RIT2: variants seen among roughly 807,000 people sequenced by gnomAD.
RIT2 encodes the protein Ras like without CAAX 2.
In RIT2, 24 loss-of-function variants were observed where a neutral mutation model predicts 23.7. The observed-to-expected ratio is 1.01, with a 90% CI of 0.73 to 1.43. The LOEUF (loss-of-function observed/expected upper bound fraction) is 1.43. RIT2 is among the 40% of genes most tolerant of loss of function. The pLI, the probability that RIT2 is intolerant of heterozygous loss-of-function variation, is 0.00. For synonymous variants in RIT2, 107 were observed against 91.1 expected (o/e 1.17, Z -0.99); for missense variants, 236 against 266.9 (o/e 0.88, Z 0.81).
At chr18:43,069,172 T>A (rs183923330) in intron 1 of RIT2, among the ~76,000 whole-genome samples, 3 of 152,184 alleles carry the variant, frequency 2.0e-5, no homozygotes, top group African/African-American at 7.2e-5. Flanking sequence ...CAAACCCTTG[T>A]AGCAGAGCAC....
intron 4 of RIT2, among the ~76,000 whole-genome samples, chr18:42,919,327 G>A (rs1208062392): frequency 6.6e-6 from 1 of 152,084 alleles, no homozygotes; most frequent in Non-Finnish European, 1.5e-5. Context: ...CACAGACTGT[G>A]GGAAGCAGAG....
In RIT2 at chr18:42,928,480, A is replaced by T. The variant is rs147487479; in HGVS notation, c.235-4717T>A. Among the ~76,000 whole-genome samples the T allele has an allele frequency of 2.5e-3, 387 of 152,152 alleles. 1 individual carries two copies. Among genetic ancestry groups the T allele is most frequent in the African/African-American group, 8.8e-3 (367 of 41,556 alleles). ...CTCTTAAATAGCCTTTCATAGTACA[A>T]ATTCATCATTTGCATAGTAGTTAAT... is the stretch of plus-strand genomic sequence containing the variant. On this transcript the variant is annotated intron_variant, in intron 3 of 4. Transcript: ENST00000326695.
chr18:42,815,158 C>G (rs1905959469), intron 4 of RIT2, among the ~76,000 whole-genome samples: 1 of 152,112 alleles, frequency 6.6e-6, no homozygotes, highest in African/African-American at 2.4e-5. Flanking sequence ...GCAATGGATC[C>G]AAACCAAGAA....
intron 2 of RIT2, among the ~76,000 whole-genome samples, chr18:42,984,148 C>A (rs1418031170): frequency 6.6e-6 from 1 of 152,018 alleles, no homozygotes; most frequent in African/African-American, 2.4e-5. Flanking sequence ...AAAAACTGTA[C>A]ACATAGCAAA....
At chr18:42,825,694 G>A (rs1906274972) in intron 4 of RIT2, among the ~76,000 whole-genome samples, 1 of 144,778 alleles carries the variant, frequency 6.9e-6, no homozygotes, top group Non-Finnish European at 1.5e-5. Context: ...ACTGTTTTAT[G>A]TGTTTTATGT....
intron 1 of RIT2, among the ~76,000 whole-genome samples, chr18:43,108,747 GC>G (rs1913886903): frequency 6.6e-6 from 1 of 152,108 alleles, no homozygotes; most frequent in Non-Finnish European, 1.5e-5. Context: ...CTTTTACTGA[GC>G]CTTATTTAGA....
chr18:42,862,699 T>C (rs1174113707), intron 4 of RIT2, among the ~76,000 whole-genome samples: 1 of 152,216 alleles, frequency 6.6e-6, no homozygotes, highest in Non-Finnish European at 1.5e-5. Context: ...TATTTTATTG[T>C]GTGCTACGCA....
At chr18:42,783,881 G>A (rs924591292) in intron 4 of RIT2, among the ~76,000 whole-genome samples, 5 of 152,040 alleles carry the variant, frequency 3.3e-5, no homozygotes, top group African/African-American at 1.2e-4. Flanking sequence ...TCAACTCCAT[G>A]ATGGCAAGGT....
intron 4 of RIT2, among the ~76,000 whole-genome samples, chr18:42,871,583 T>C (rs925016047): frequency 1.3e-5 from 2 of 152,172 alleles, no homozygotes; most frequent in African/African-American, 4.8e-5. Flanking sequence ...CCAAATGTCA[T>C]GGACGCATAC....
At position 42,757,669 on chromosome 18, in the gene RIT2, T is replaced by C. The variant is rs1014462911; in HGVS notation, c.427-13949A>G. On this transcript the variant is annotated intron_variant, in intron 4 of 4. Transcript: ENST00000326695. ...TATTGGTACCACTATACATTTATAT[T>C]TCAATCTTAGCAGAGTCATCACTGC... is the stretch of plus-strand genomic sequence containing the variant. 7.9e-5 allele frequency among the ~76,000 whole-genome samples: 12 copies of C among 152,326 alleles called. No individual in the cohort carries two copies. In the South Asian group the frequency reaches 2.5e-3, roughly 32 times the overall value.
chr18:42,790,695 C>T (rs1189898395), intron 4 of RIT2, among the ~76,000 whole-genome samples: 1 of 152,214 alleles, frequency 6.6e-6, no homozygotes, highest in African/African-American at 2.4e-5. Context: ...TCCCAAATTG[C>T]TGGGATTACA....
intron 4 of RIT2, among the ~76,000 whole-genome samples, chr18:42,918,358 T>C (rs1908966583): frequency 6.6e-6 from 1 of 152,172 alleles, no homozygotes; most frequent in South Asian, 2.1e-4. Context: ...TTGGAGTTAA[T>C]ACATTCACAT....
intron 2 of RIT2, among the ~76,000 whole-genome samples, chr18:42,998,903 G>GT (rs1911045261): frequency 6.6e-6 from 1 of 152,078 alleles, no homozygotes; most frequent in Admixed American, 6.6e-5. Flanking sequence ...AGCATAGACT[G>GT]TAAGTGTCAG....
intron 4 of RIT2, among the ~76,000 whole-genome samples, chr18:42,772,353 C>G (rs139386237): frequency 1.3e-5 from 2 of 152,222 alleles, no homozygotes; most frequent in Non-Finnish European, 2.9e-5. Context: ...AAGTAAGTAT[C>G]TTTCTCCTGA....
intron 4 of RIT2, among the ~76,000 whole-genome samples, chr18:42,800,882 A>G (rs775501344): frequency 2.0e-5 from 3 of 151,876 alleles, no homozygotes. Context: ...TTAGTTTCCT[A>G]TATTGGAATT....
intron 1 of RIT2, among the ~76,000 whole-genome samples, chr18:43,082,124 A>C (rs1913171119): frequency 6.6e-6 from 1 of 152,104 alleles, no homozygotes; most frequent in Admixed American, 6.6e-5. Context: ...TAGTCTTGGG[A>C]GGGTGTATGT....
At chr18:42,988,492 A>C (rs1598739772) in intron 2 of RIT2, among the ~76,000 whole-genome samples, 1 of 152,156 alleles carries the variant, frequency 6.6e-6, no homozygotes, top group Non-Finnish European at 1.5e-5. Context: ...GGGATGAAAA[A>C]CAGAATGATG....
intron 3 of RIT2, among the ~76,000 whole-genome samples, chr18:42,940,267 T>TATATATATATAC (rs1568035541): frequency 7.1e-6 from 1 of 140,616 alleles, no homozygotes; most frequent in African/African-American, 2.7e-5. Flanking sequence ...TATATATATA[T>TATATATATATAC]ATGCACACAC....
At chr18:42,789,453 T>G (rs944582534) in intron 4 of RIT2, among the ~76,000 whole-genome samples, 1 of 152,212 alleles carries the variant, frequency 6.6e-6, no homozygotes, top group African/African-American at 2.4e-5. Flanking sequence ...TTAATTCTTC[T>G]GGTCCATGAG....
Sources: allele counts gnomAD v4.1 joint callset (sites outside exome capture counted in the v4.1 genomes callset), GRCh38; gene constraint gnomAD v4.1.1; transcripts MANE v1.5; gene names NCBI Gene and HGNC (gene_info 2026-07-23, HGNC 2026-07-21).